Variants in ZNF407 observed in about 807,000 individuals in gnomAD.
ZNF407 encodes zinc finger protein 407.
A neutral mutation model predicts 131.2 loss-of-function variants in ZNF407; 17 were observed. That is an observed-to-expected ratio of 0.13 (90% confidence interval 0.09 to 0.19). The LOEUF is 0.19. Ranked by LOEUF, ZNF407 falls within the 10% of genes least tolerant of loss-of-function variation. The pLI, the probability that ZNF407 is intolerant of heterozygous loss-of-function variation, is 1.00. For missense variants in ZNF407, 2,681 were observed against 2,830.6 expected, an observed-to-expected ratio of 0.95 and a Z score of 1.20; for synonymous variants, 1,156 against 1,062.0, an observed-to-expected ratio of 1.09 and a Z score of -1.72.
At chr18:74,755,046 A>ATAAATATATATCCTG (rs1968895802) in intron 3 of ZNF407, among the ~76,000 whole-genome samples, 1 of 152,142 alleles carries the variant, frequency 6.6e-6, no homozygotes, top group Non-Finnish European at 1.5e-5. Flanking sequence ...TATTGGGTGT[A>ATAAATATATATCCTG]TATATATTTA....
At chr18:74,616,108 T>C (rs1047896263) in intron 1 of ZNF407, among the ~76,000 whole-genome samples, 2 of 152,212 alleles carry the variant, frequency 1.3e-5, no homozygotes, top group Non-Finnish European at 2.9e-5. Context: ...TTGTTACTGG[T>C]GAATTCAGCA....
In ZNF407 at chr18:74,763,741, G is replaced by A. The variant is rs1261893710; in HGVS notation, c.4803-17687G>A. 3.6e-4 allele frequency among the ~76,000 whole-genome samples: 43 copies of A among 117,826 alleles called. No homozygotes were observed. The South Asian group carries it at 9.7e-3, about 27-fold the overall frequency. The allele number at this position is 117,826 out of a possible 152,430, so 77.3% of individuals were successfully genotyped here. A position where few individuals can be genotyped will look rare whatever the true frequency, so the allele number is the denominator to read the frequency against. ...TTTTTTTTTTTTGAGACGGAGTCTC[G>A]CTCTGTCGCCCAGGCTGGAGGGCAG... On this transcript the variant is annotated intron_variant, in intron 3 of 8. Coordinates refer to ENST00000299687, the MANE Select transcript of ZNF407 (RefSeq NM_017757.3).
chr18:74,841,567 A>G (rs1970634064), intron 4 of ZNF407, among the ~76,000 whole-genome samples: 1 of 152,162 alleles, frequency 6.6e-6, no homozygotes, highest in Admixed American at 6.5e-5. Context: ...ACCTGTGTTC[A>G]CCCAGGTGCC....
intron 4 of ZNF407, chr18:74,804,526 C>G: frequency 5.1e-6 from 5 of 987,904 alleles, no homozygotes; most frequent in Non-Finnish European, 6.0e-6. Context: ...GCAAAAATAC[C>G]AGGCTAAATA....
intron 4 of ZNF407, among the ~76,000 whole-genome samples, chr18:74,857,989 C>A (rs1970883536): frequency 1.4e-5 from 2 of 142,026 alleles, no homozygotes; most frequent in Non-Finnish European, 3.1e-5. Context: ...TTCCCTGACT[C>A]CTTCTACCTC....
intron 3 of ZNF407, among the ~76,000 whole-genome samples, chr18:74,719,947 C>T (rs1295164728): frequency 1.3e-5 from 2 of 152,126 alleles, no homozygotes; most frequent in African/African-American, 4.8e-5. Flanking sequence ...AATAGTGGTC[C>T]AGTAAACATG....
intron 4 of ZNF407, among the ~76,000 whole-genome samples, chr18:74,799,198 G>A (rs1282289189): frequency 2.0e-5 from 3 of 152,108 alleles, no homozygotes; most frequent in African/African-American, 7.2e-5. Context: ...CAGCAAAATT[G>A]TAATTCATTT....
chr18:74,854,596 A>C (rs1970833156), intron 4 of ZNF407, among the ~76,000 whole-genome samples: 1 of 152,198 alleles, frequency 6.6e-6, no homozygotes, highest in Non-Finnish European at 1.5e-5. Context: ...AAGTTTTTGA[A>C]AAATAATCTC....
chr18:74,934,157 G>A (rs562284390), intron 8 of ZNF407, among the ~76,000 whole-genome samples: 3 of 152,190 alleles, frequency 2.0e-5, no homozygotes, highest in South Asian at 2.1e-4. Context: ...TCATTCTTTC[G>A]TCTTGTGAAA....
intron 8 of ZNF407, among the ~76,000 whole-genome samples, chr18:75,057,916 A>T (rs1393258655): frequency 2.0e-5 from 3 of 152,008 alleles, no homozygotes; most frequent in African/African-American, 4.8e-5. Context: ...TATTTTTTTC[A>T]TTCGGGTTTA....
At chr18:75,003,372 A>G (rs750675107) in intron 8 of ZNF407, among the ~76,000 whole-genome samples, 2 of 152,296 alleles carry the variant, frequency 1.3e-5, no homozygotes, top group East Asian at 1.9e-4. Context: ...TTTTTATATT[A>G]TTAATGGATG....
At chr18:74,845,828 T>A (rs1599192703) in intron 4 of ZNF407, among the ~76,000 whole-genome samples, 1 of 152,168 alleles carries the variant, frequency 6.6e-6, no homozygotes, top group East Asian at 1.9e-4. Context: ...CATTCATAAT[T>A]GAAGATTGAG....
At chr18:74,660,499 G>T (rs552702878) in intron 3 of ZNF407, among the ~76,000 whole-genome samples, 1 of 152,188 alleles carries the variant, frequency 6.6e-6, no homozygotes, top group African/African-American at 2.4e-5. Context: ...AATATCTAGT[G>T]ACCTTATAGT....
rs374799652 is a variant in ZNF407, at chr18:75,063,457, C to T, written c.5736C>T (p.Ile1912=). The change falls in exon 9 of 9, where the codon ATC becomes ATT. Residue 1912 remains isoleucine, a synonymous_variant. Coordinates refer to ENST00000299687, the MANE Select transcript of ZNF407 (RefSeq NM_017757.3). The surrounding 1 kb of genome is among the most constrained non-coding windows in gnomAD (Gnocchi z 6.6). Reference sequence around the variant, plus strand: ...ATATCACGGAGGATGGCCAGGTCATCGCCACGAGTCAGAGCGGGGCACATG... The same window carrying T: ...ATATCACGGAGGATGGCCAGGTCATTGCCACGAGTCAGAGCGGGGCACATG... ...VVHITEDGQV[I]ATSQSGAHVG... 38 of 1,606,432 alleles carry T rather than the reference C, an allele frequency of 2.4e-5. No homozygotes were observed. Among genetic ancestry groups the T allele is most frequent in the African/African-American group, 1.6e-4 (12 of 74,794 alleles).
At position 75,048,736 on chromosome 18, in the gene ZNF407, T is replaced by A. The variant is rs1261359583; in HGVS notation, c.5429-14414T>A. Among the ~76,000 whole-genome samples the A allele has an allele frequency of 6.6e-6, 1 of 152,232 alleles. No individual in the cohort carries two copies. The highest frequency in any genetic ancestry group is 1.5e-5 in the Non-Finnish European group (1 of 68,034). On this transcript the variant is annotated intron_variant, in intron 8 of 8. Transcript: ENST00000299687. The surrounding 1 kb of genome is among the most constrained non-coding windows in gnomAD (Gnocchi z 4.1). The stretch of plus-strand genomic sequence containing the variant: ...TTAAAATGTTTGTTTTGTTTTAGAA[T>A]GACAAGATATGAGGGCCTGCTATTT...
rs766880009 is a variant in ZNF407 at position 74,631,005 on chromosome 18, G to T, written c.-15G>T. On this transcript the variant is annotated 5_prime_UTR_variant, in exon 2 of 9. Transcript: ENST00000299687. ...GTGAGCCGCCTTAGATAGAAGCATC[G>T]TCAGCACTTTATTAATGATGGATAG... 2.5e-6 allele frequency: 4 copies of T among 1,592,208 alleles called. No individual in the cohort carries two copies. In the South Asian group the frequency reaches 3.4e-5, roughly 14 times the overall value.
intron 3 of ZNF407, among the ~76,000 whole-genome samples, chr18:74,699,862 C>A (rs1487346838): frequency 6.6e-6 from 1 of 152,066 alleles, no homozygotes; most frequent in African/African-American, 2.4e-5. Flanking sequence ...TATTGAAAAA[C>A]TAGAAATAAT....
chr18:74,616,070 G>T (rs1983277920), intron 1 of ZNF407, among the ~76,000 whole-genome samples: 1 of 152,148 alleles, frequency 6.6e-6, no homozygotes. Flanking sequence ...TGGGACAGGA[G>T]GAACAGTTAT....
At chr18:74,685,072 T>A (rs1344246306) in intron 3 of ZNF407, among the ~76,000 whole-genome samples, 2 of 152,206 alleles carry the variant, frequency 1.3e-5, no homozygotes, top group African/African-American at 4.8e-5. Context: ...CTATATAATT[T>A]TTTGTTAGCT....
Sources: gnomAD v4.1 joint callset for allele counts (sites outside exome capture counted in the v4.1 genomes callset) on GRCh38, gnomAD v4.1.1 for gene constraint, Gnocchi (gnomAD v3.1) non-coding constraint, MANE v1.5 for transcripts, NCBI Gene and HGNC (gene_info 2026-07-23, HGNC 2026-07-21) for gene names.